Variants in CLEC16A observed in about 807,000 individuals in gnomAD.
The protein encoded by CLEC16A is protein CLEC16A.
A neutral mutation model predicts 109.5 loss-of-function variants in CLEC16A; 51 were observed. That is an observed-to-expected ratio of 0.47 (90% CI 0.37 to 0.59). CLEC16A has a LOEUF of 0.59. CLEC16A is among the 20% of genes least tolerant of loss of function. The probability of loss-of-function intolerance (pLI) is 0.00; values close to 1 mark genes in which losing one functional copy is unlikely to be tolerated. For synonymous variants in CLEC16A, 673 were observed against 564.2 expected, an observed-to-expected ratio of 1.19 and a Z score of -2.73; for missense variants, 1,339 against 1,394.0, an observed-to-expected ratio of 0.96 and a Z score of 0.63.
At chr16:11,017,574 A>T (rs1334757341) in intron 11 of CLEC16A, among the ~76,000 whole-genome samples, 1 of 152,212 alleles carries the variant, frequency 6.6e-6, no homozygotes, top group Non-Finnish European at 1.5e-5. Context: ...ATGGTATGGA[A>T]GGAGGAGGAA....
intron 22 of CLEC16A, among the ~76,000 whole-genome samples, chr16:11,154,414 A>C (rs888114522): frequency 2.0e-5 from 3 of 152,208 alleles, no homozygotes; most frequent in Non-Finnish European, 4.4e-5. Context: ...AAATAACTTC[A>C]TTTTTCTCGT....
intron 13 of CLEC16A, among the ~76,000 whole-genome samples, chr16:11,034,070 T>C (rs2046891764): frequency 1.3e-5 from 2 of 152,206 alleles, no homozygotes; most frequent in Admixed American, 6.5e-5. Context: ...TTTTGTGTTT[T>C]GTTTTGCTGA....
chr16:11,126,042 C>T lies in CLEC16A; in HGVS notation c.2537C>T (p.Thr846Ile), dbSNP rs1194573155. ...CTGGGGTTTGGACTCGGCTCCTCCA[C>T]CTCCACTCAGCACCTGCCTTTCCGC... ...EVLGFGLGSS[T>I]STQHLPFRFY... The change falls in exon 22 of 24, where the codon ACC (threonine) becomes ATC (isoleucine). Residue 846 changes from threonine (T) to isoleucine (I), a missense_variant. Thr to Ile is a moderately conservative substitution (Grantham distance 89, BLOSUM62 -1). Transcript: ENST00000409790. The T allele has an allele frequency of 2.5e-6, 4 of 1,613,920 alleles. No individual in the cohort carries two copies. The highest frequency in any genetic ancestry group is 2.2e-5 in the East Asian group (1 of 44,868).
At chr16:11,129,824 A>G (rs551648015) in intron 22 of CLEC16A, among the ~76,000 whole-genome samples, 1 of 144,838 alleles carries the variant, frequency 6.9e-6, no homozygotes, top group Non-Finnish European at 1.5e-5. Context: ...GTGCAGTGGC[A>G]CAGTCTTGGC....
chr16:10,963,125 TC>T (rs2042334566), intron 3 of CLEC16A, among the ~76,000 whole-genome samples: 1 of 152,132 alleles, frequency 6.6e-6, no homozygotes, highest in South Asian at 2.1e-4. Context: ...AGGGCTCTCT[TC>T]CTGGCTTGCA....
intron 19 of CLEC16A, among the ~76,000 whole-genome samples, chr16:11,077,153 G>A (rs1002714461): frequency 2.0e-5 from 3 of 150,522 alleles, no homozygotes; most frequent in Non-Finnish European, 4.4e-5. Flanking sequence ...AAGACCAGCC[G>A]AGGCAACATG....
In CLEC16A at chr16:10,954,088, C is replaced by T. The variant is rs1049791359; in HGVS notation, c.81-3694C>T. Among the ~76,000 whole-genome samples, 15 of 152,130 alleles carry T rather than the reference C, an allele frequency of 9.9e-5. No individual in the cohort carries two copies. The highest frequency in any genetic ancestry group is 4.6e-4 in the Admixed American group (7 of 15,268). ...CCCGGTTTCACTACTGGAAGAAAGC[C>T]CCCACGCAATATCACTGCATACCCA... is the stretch of plus-strand genomic sequence containing the variant. On this transcript the variant is annotated intron_variant, in intron 1 of 23. Coordinates refer to ENST00000409790, the MANE Select transcript of CLEC16A (RefSeq NM_015226.3). The surrounding 1 kb of genome is among the most constrained non-coding windows in gnomAD (Gnocchi z 4.2).
intron 11 of CLEC16A, among the ~76,000 whole-genome samples, chr16:11,016,980 G>T (rs1248646391): frequency 1.5e-5 from 2 of 134,414 alleles, no homozygotes; most frequent in Admixed American, 7.7e-5. Context: ...ATAGGGCCGG[G>T]GCCCATGTGA....
At chr16:11,095,989 C>T (rs1393389112) in intron 19 of CLEC16A, among the ~76,000 whole-genome samples, 2 of 152,076 alleles carry the variant, frequency 1.3e-5, no homozygotes, top group Non-Finnish European at 2.9e-5. Flanking sequence ...CACACCCAGC[C>T]ATTACCTTTT....
chr16:11,123,117 T>C (rs1252413017), intron 20 of CLEC16A, among the ~76,000 whole-genome samples: 3 of 152,102 alleles, frequency 2.0e-5, no homozygotes, highest in Admixed American at 1.3e-4. Context: ...TTGGCCAGGC[T>C]GGTCTCGAAC....
intron 22 of CLEC16A, among the ~76,000 whole-genome samples, chr16:11,130,932 CT>C (rs1175896842): frequency 2.0e-5 from 3 of 152,144 alleles, no homozygotes; most frequent in Non-Finnish European, 4.4e-5. Flanking sequence ...GAAAATATGC[CT>C]TTCATTTCCT....
At chr16:11,053,649 A>G (rs1226067197) in intron 18 of CLEC16A, among the ~76,000 whole-genome samples, 1 of 152,140 alleles carries the variant, frequency 6.6e-6, no homozygotes, top group African/African-American at 2.4e-5. Context: ...AGGATTACAG[A>G]TGTGAACCAC....
intron 10 of CLEC16A, among the ~76,000 whole-genome samples, chr16:10,989,243 C>G (rs1256717908): frequency 6.6e-6 from 1 of 151,472 alleles, no homozygotes; most frequent in African/African-American, 2.4e-5. Context: ...TTTTTTGAGA[C>G]AGGATCTCGC....
chr16:11,149,019 C>G (rs1041298348), intron 22 of CLEC16A, among the ~76,000 whole-genome samples: 1 of 152,198 alleles, frequency 6.6e-6, no homozygotes, highest in Non-Finnish European at 1.5e-5. Context: ...ATATGATAAA[C>G]TCCCAAAAAG....
At chr16:11,070,601 C>T (rs1256657069) in intron 19 of CLEC16A, 1 of 152,216 alleles carries the variant, frequency 6.6e-6, no homozygotes, top group African/African-American at 2.4e-5. Flanking sequence ...GCAGCATGAA[C>T]TGTCTTCCTT....
chr16:11,153,921 G>A (rs112933987), intron 22 of CLEC16A, among the ~76,000 whole-genome samples: 10 of 152,226 alleles, frequency 6.6e-5, no homozygotes, highest in East Asian at 1.9e-4. Context: ...AAGCCCTTCT[G>A]GTTCCTAATA....
At chr16:11,177,979 A>C (rs982348228) in intron 23 of CLEC16A, among the ~76,000 whole-genome samples, 29 of 152,074 alleles carry the variant, frequency 1.9e-4, no homozygotes, top group African/African-American at 7.0e-4. Flanking sequence ...AGTATTTATC[A>C]TCAGGCAGGC....
intron 19 of CLEC16A, among the ~76,000 whole-genome samples, chr16:11,089,170 C>G (rs1020418995): frequency 1.3e-5 from 2 of 152,208 alleles, no homozygotes; most frequent in Non-Finnish European, 1.5e-5. Flanking sequence ...AGGCCTGGCA[C>G]TTAGTAGACA....
chr16:11,138,813 G>C (rs1202472715), intron 22 of CLEC16A, among the ~76,000 whole-genome samples: 2 of 152,266 alleles, frequency 1.3e-5, no homozygotes, highest in East Asian at 3.9e-4. Flanking sequence ...TCAAACCACT[G>C]TTCATTGAGC....
Sources: gnomAD v4.1 joint callset for allele counts (sites outside exome capture counted in the v4.1 genomes callset) on GRCh38, gnomAD v4.1.1 for gene constraint, Gnocchi (gnomAD v3.1) non-coding constraint, MANE v1.5 for transcripts, NCBI Gene and HGNC (gene_info 2026-07-23, HGNC 2026-07-21) for gene names.